TRMT11: variants seen among roughly 807,000 people sequenced by gnomAD.
TRMT11 encodes tRNA methyltransferase 11.
In TRMT11, 53 loss-of-function variants were observed where a neutral mutation model predicts 62.8. The observed-to-expected ratio is 0.84, with a 90% CI of 0.68 to 1.06. TRMT11 has a LOEUF of 1.06. TRMT11 is among the 50% of genes least tolerant of loss of function. The pLI is 0.00. For missense variants in TRMT11, 556 were observed against 553.4 expected, an observed-to-expected ratio of 1.00 and a Z score of -0.05; for synonymous variants, 188 against 190.3, an observed-to-expected ratio of 0.99 and a Z score of 0.10.
chr6:126,055,476 C>T (rs970230662), intron 17 of TRMT11, among the ~76,000 whole-genome samples: 2 of 152,236 alleles, frequency 1.3e-5, no homozygotes, highest in Non-Finnish European at 2.9e-5. Flanking sequence ...AACAGTTGTA[C>T]ACAGTTCTTG....
At chr6:126,243,352 T>A in the TRMT11 span, among the ~76,000 whole-genome samples, 1 of 152,120 alleles carries the variant, frequency 6.6e-6, no homozygotes, top group African/African-American at 2.4e-5. Context: ...GTAAACTAGT[T>A]CAACCATTGT....
the TRMT11 span, among the ~76,000 whole-genome samples, chr6:126,254,884 A>C: frequency 5.9e-5 from 9 of 152,204 alleles, no homozygotes; most frequent in South Asian, 4.1e-4. Flanking sequence ...ATAAAAAAAA[A>C]CACCTTTCTA....
At chr6:126,187,186 A>G (rs1404923122) in intron 1 of TRMT11, among the ~76,000 whole-genome samples, 1 of 151,970 alleles carries the variant, frequency 6.6e-6, no homozygotes, top group South Asian at 2.1e-4. Context: ...TTATTTGTAG[A>G]TGATATGATC....
chr6:126,177,168 T>C (rs1778396200), upstream of TRMT11: 1 of 152,190 alleles, frequency 6.6e-6, no homozygotes, highest in South Asian at 2.1e-4. Context: ...TGAATACCAT[T>C]GGCTCTCTGA....
intron 17 of TRMT11, among the ~76,000 whole-genome samples, chr6:126,085,505 A>T (rs1777206428): frequency 6.6e-6 from 1 of 152,214 alleles, no homozygotes; most frequent in Non-Finnish European, 1.5e-5. Context: ...GTGAGGTGGC[A>T]TAACATATTT....
chr6:126,241,999 T>C, the TRMT11 span, among the ~76,000 whole-genome samples: 1 of 151,836 alleles, frequency 6.6e-6, no homozygotes, highest in East Asian at 2.1e-4. Context: ...AAATTGTCCC[T>C]GTTTGCAGAT....
the TRMT11 span, among the ~76,000 whole-genome samples, chr6:126,252,828 G>T: frequency 2.0e-5 from 3 of 152,112 alleles, no homozygotes; most frequent in East Asian, 1.9e-4. Flanking sequence ...CCGGAATAAC[G>T]AAAGTATTGT....
At chr6:126,239,035 C>G in the TRMT11 span, among the ~76,000 whole-genome samples, 1 of 152,070 alleles carries the variant, frequency 6.6e-6, no homozygotes, top group South Asian at 2.1e-4. Flanking sequence ...ATTGCACCCC[C>G]TTCCTTTTTT....
intron 17 of TRMT11, among the ~76,000 whole-genome samples, chr6:126,076,619 T>C (rs2128149346): frequency 6.6e-6 from 1 of 152,278 alleles, no homozygotes; most frequent in South Asian, 2.1e-4. Flanking sequence ...ATCCTTTCAC[T>C]CCTTTGTCTC....
chr6:126,257,248 C>A, the TRMT11 span, among the ~76,000 whole-genome samples: 1 of 151,736 alleles, frequency 6.6e-6, no homozygotes, highest in Non-Finnish European at 1.5e-5. Flanking sequence ...ATTTTGGGGT[C>A]TAAAAGGTCC....
rs1374056823 is a variant in TRMT11 at position 125,986,637 on chromosome 6, C to T, written c.72+15C>T. 11 of 1,572,162 alleles carry T rather than the reference C, an allele frequency of 7.0e-6. No homozygotes were observed. Among genetic ancestry groups the T allele is most frequent in the Non-Finnish European group, 6.9e-6 (8 of 1,160,242 alleles). ...TCCGCCTGCCGGTGAGTCCGTAGCGCCCTCCGGAACTTCCGACGGAAGAGG... is the reference window on the plus strand; with the variant it reads ...TCCGCCTGCCGGTGAGTCCGTAGCGTCCTCCGGAACTTCCGACGGAAGAGG... On this transcript the variant is annotated intron_variant, in intron 1 of 12. Transcript: ENST00000334379.
chr6:126,186,154 A>G (rs1778525232), intron 1 of TRMT11, among the ~76,000 whole-genome samples: 1 of 152,204 alleles, frequency 6.6e-6, no homozygotes, highest in South Asian at 2.1e-4. Flanking sequence ...TCAGAGCACA[A>G]AGGTCTTTCA....
In TRMT11 at chr6:126,008,390, A is replaced by G; in HGVS notation, c.680-2A>G. 6.2e-7 allele frequency: 1 copy of G among 1,612,774 alleles called. No individual in the cohort carries two copies. The highest frequency in any genetic ancestry group is 8.5e-7 in the Non-Finnish European group (1 of 1,178,932). On this transcript the variant is annotated splice_acceptor_variant, in intron 7 of 12. Coordinates refer to ENST00000334379, the MANE Select transcript of TRMT11 (RefSeq NM_001031712.3). LOFTEE classifies it high-confidence loss of function. The stretch of plus-strand genomic sequence containing the variant: ...ACAGGTCAAAATTGTGTGATTTTTC[A>G]GGTGGCCTGCTGATAGCATGTGCTC...
the TRMT11 span, among the ~76,000 whole-genome samples, chr6:126,268,302 C>G: frequency 3.9e-5 from 6 of 152,276 alleles, no homozygotes; most frequent in Admixed American, 2.0e-4. Context: ...TCAGACTGTG[C>G]AGAGCAGTGA....
At chr6:126,021,726 CTCTT>C (rs1446610007) in intron 12 of TRMT11, among the ~76,000 whole-genome samples, 1 of 152,218 alleles carries the variant, frequency 6.6e-6, no homozygotes, top group Non-Finnish European at 1.5e-5. Context: ...AACACATTCT[CTCTT>C]TGTCTCTCTC....
At chr6:126,205,984 A>G (rs1026681094), downstream of TRMT11, among the ~76,000 whole-genome samples, 23 of 151,786 alleles carry the variant, frequency 1.5e-4, no homozygotes, top group Non-Finnish European at 2.7e-4. Context: ...ATATTCCCCT[A>G]TGACGATATA....
At chr6:126,116,051 C>T (rs919118880) in intron 21 of TRMT11, among the ~76,000 whole-genome samples, 15 of 148,568 alleles carry the variant, frequency 1.0e-4, no homozygotes, top group Non-Finnish European at 1.3e-4. Flanking sequence ...CAATGCTTGT[C>T]CAGCAAGTTT....
intron 12 of TRMT11, among the ~76,000 whole-genome samples, chr6:126,026,656 A>T (rs1773159637): frequency 6.6e-6 from 1 of 151,970 alleles, no homozygotes; most frequent in Admixed American, 6.6e-5. Flanking sequence ...AAGTGCTGGG[A>T]TTATAGGCGC....
At chr6:126,140,005 C>A (rs1777899492) in intron 21 of TRMT11, among the ~76,000 whole-genome samples, 2 of 152,002 alleles carry the variant, frequency 1.3e-5, no homozygotes, top group South Asian at 4.2e-4. Context: ...TAAGAAATTA[C>A]TTCTAATATT....
Sources: gnomAD v4.1 joint callset for allele counts (sites outside exome capture counted in the v4.1 genomes callset) on GRCh38, gnomAD v4.1.1 for gene constraint, MANE v1.5 for transcripts, NCBI Gene and HGNC (gene_info 2026-07-23, HGNC 2026-07-21) for gene names.